ATG10: variants seen among roughly 807,000 people sequenced by gnomAD.
The protein encoded by ATG10 is autophagy related 10.
ATG10 carries 30 observed loss-of-function variants against 32.1 expected under a neutral mutation model. The observed-to-expected ratio is 0.94, with a 90% CI of 0.70 to 1.27. ATG10 has a LOEUF of 1.27. Ranked by LOEUF, ATG10 falls within the 50% of genes most tolerant of loss-of-function variation. The probability of loss-of-function intolerance (pLI) is 0.00; values close to 1 mark genes in which losing one functional copy is unlikely to be tolerated. For synonymous variants in ATG10, 87 were observed against 91.5 expected (o/e 0.95, Z 0.28); for missense variants, 233 against 262.3 (o/e 0.89, Z 0.77).
chr5:82,021,604 CGGGCGT>C (rs1377199127), intron 2 of ATG10, among the ~76,000 whole-genome samples: 1 of 152,156 alleles, frequency 6.6e-6, no homozygotes, highest in East Asian at 1.9e-4. Context: ...TTTTATCAGC[CGGGCGT>C]GGTGGCTCAA....
chr5:82,104,450 T>C (rs1765383228), intron 3 of ATG10, among the ~76,000 whole-genome samples: 1 of 152,164 alleles, frequency 6.6e-6, no homozygotes, highest in East Asian at 1.9e-4. Flanking sequence ...TTTTCAGTTT[T>C]AGATGAAATT....
rs1052514094 is a variant in ATG10, at chr5:82,132,038, A to C, written c.217-32361A>C. On this transcript the variant is annotated intron_variant, in intron 3 of 7. Coordinates refer to ENST00000282185, the MANE Select transcript of ATG10 (RefSeq NM_031482.5). ...ATTCACACACTATTGTGAGGAGAGC[A>C]CCAAGCCATGAGGGATCTGTGCCCA... 1.6e-4 allele frequency among the ~76,000 whole-genome samples: 24 copies of C among 152,106 alleles called. 1 individual carries two copies. The highest frequency in any genetic ancestry group is 4.4e-5 in the Non-Finnish European group (3 of 68,026).
chr5:82,231,387 C>T (rs1267053011), intron 5 of ATG10, among the ~76,000 whole-genome samples: 1 of 152,098 alleles, frequency 6.6e-6, no homozygotes, highest in Non-Finnish European at 1.5e-5. Context: ...AAGAAGTTGT[C>T]ATTCTTGTCC....
intron 3 of ATG10, among the ~76,000 whole-genome samples, chr5:82,075,653 A>T (rs1213517650): frequency 2.6e-5 from 4 of 152,192 alleles, no homozygotes; most frequent in African/African-American, 9.7e-5. Flanking sequence ...ATGTCTGTGT[A>T]GGTCAGGTGC....
At chr5:82,223,752 A>T (rs1178900886) in intron 5 of ATG10, among the ~76,000 whole-genome samples, 1 of 152,226 alleles carries the variant, frequency 6.6e-6, no homozygotes, top group East Asian at 1.9e-4. Flanking sequence ...TATATATGAT[A>T]AAGTGCTAGG....
intron 2 of ATG10, among the ~76,000 whole-genome samples, chr5:82,038,395 T>G (rs924678285): frequency 6.6e-6 from 1 of 152,232 alleles, no homozygotes; most frequent in Non-Finnish European, 1.5e-5. Flanking sequence ...ATTATGCACA[T>G]GTACTGTATG....
chr5:82,037,129 C>CAAAAAAAA (rs1159037400), intron 2 of ATG10, among the ~76,000 whole-genome samples: 1 of 25,798 alleles, frequency 3.9e-5, no homozygotes, highest in African/African-American at 1.5e-4. Context: ...GACTCTGTCT[C>CAAAAAAAA]AAAAAAAAAA....
At chr5:81,986,316 A>G (rs1203135569) in intron 1 of ATG10, among the ~76,000 whole-genome samples, 1 of 152,250 alleles carries the variant, frequency 6.6e-6, no homozygotes, top group African/African-American at 2.4e-5. Flanking sequence ...CTTCGTGATC[A>G]GCATGCTGTA....
intron 3 of ATG10, among the ~76,000 whole-genome samples, chr5:82,074,616 G>T (rs1764219102): frequency 6.6e-6 from 1 of 152,114 alleles, no homozygotes; most frequent in South Asian, 2.1e-4. Context: ...ATCAGCCAAG[G>T]CAGGTATGAG....
chr5:82,217,162 A>G (rs1159089861), intron 5 of ATG10, among the ~76,000 whole-genome samples: 3 of 152,172 alleles, frequency 2.0e-5, no homozygotes, highest in Non-Finnish European at 4.4e-5. Context: ...TTAGGCCTAT[A>G]GTAAAATTGG....
At chr5:82,016,196 T>A (rs1762281549) in intron 2 of ATG10, among the ~76,000 whole-genome samples, 1 of 152,220 alleles carries the variant, frequency 6.6e-6, no homozygotes, top group South Asian at 2.1e-4. Flanking sequence ...TGTTCTGGAA[T>A]TTTTTATGGT....
chr5:82,025,246 A>C (rs73768609), intron 2 of ATG10, among the ~76,000 whole-genome samples: 1,805 of 152,348 alleles, frequency 0.012, 26 homozygotes, highest in African/African-American at 0.042. Flanking sequence ...GTTATATAAC[A>C]TAGGGTCATA....
At chr5:82,053,287 G>A (rs1033278152) in intron 2 of ATG10, among the ~76,000 whole-genome samples, 35 of 151,984 alleles carry the variant, frequency 2.3e-4, no homozygotes, top group African/African-American at 8.0e-4. Flanking sequence ...AACTATCTGT[G>A]TATCCTTTGC....
intron 5 of ATG10, among the ~76,000 whole-genome samples, chr5:82,197,718 CT>C (rs1298554781): frequency 1.4e-5 from 2 of 143,194 alleles, no homozygotes; most frequent in Non-Finnish European, 3.0e-5. Flanking sequence ...TTCTTTCTTT[CT>C]TTCTATCTAT....
At chr5:82,233,257 G>A (rs1245667197) in intron 5 of ATG10, among the ~76,000 whole-genome samples, 1 of 152,046 alleles carries the variant, frequency 6.6e-6, no homozygotes, top group African/African-American at 2.4e-5. Flanking sequence ...ATACCTGACT[G>A]AACCTGTACC....
At chr5:82,197,702 T>TTTTCTTTCTTTC (rs71605825) in intron 5 of ATG10, among the ~76,000 whole-genome samples, 1 of 147,628 alleles carries the variant, frequency 6.8e-6, no homozygotes, top group African/African-American at 2.5e-5. Flanking sequence ...TGTCCCATTA[T>TTTTCTTTCTTTC]TTTCTTTCTT....
chr5:82,047,270 C>T (rs1763261488), intron 2 of ATG10, among the ~76,000 whole-genome samples: 2 of 152,028 alleles, frequency 1.3e-5, no homozygotes, highest in African/African-American at 4.8e-5. Context: ...GAAGGTCTCA[C>T]GTCTATGAAC....
intron 3 of ATG10, among the ~76,000 whole-genome samples, chr5:82,140,172 C>T (rs1767029711): frequency 1.0e-5 from 1 of 99,836 alleles, no homozygotes; most frequent in Non-Finnish European, 2.1e-5. Context: ...CCCGGCCAGC[C>T]GCCCCGTCCG....
intron 4 of ATG10, 38 bp from the exon 5 acceptor site, chr5:82,178,452 T>A: frequency 7.9e-7 from 1 of 1,266,002 alleles, no homozygotes; most frequent in Non-Finnish European, 1.2e-6. Flanking sequence ...TTGTGTCACA[T>A]GAATTACTAA....
Sources: gnomAD v4.1 joint callset for allele counts (sites outside exome capture counted in the v4.1 genomes callset) on GRCh38, gnomAD v4.1.1 for gene constraint, MANE v1.5 for transcripts, NCBI Gene and HGNC (gene_info 2026-07-23, HGNC 2026-07-21) for gene names.